ECD: variants seen among roughly 807,000 people sequenced by gnomAD.
ECD encodes the protein ecdysoneless cell cycle regulator, also known as protein ecdysoneless homolog.
ECD carries 59 observed loss-of-function variants against 77.2 expected under a neutral mutation model. The ratio of observed to expected loss-of-function variants is 0.76; its 90% confidence interval spans 0.62 to 0.95. The LOEUF (loss-of-function observed/expected upper bound fraction) is 0.95. Ranked by LOEUF, ECD falls within the 40% of genes least tolerant of loss-of-function variation. The pLI is 0.00. For synonymous variants in ECD, 233 were observed against 267.4 expected (o/e 0.87, Z 1.26); for missense variants, 704 against 763.4 (o/e 0.92, Z 0.92).
chr10:73,139,848 T>G (rs1589679985), intron 9 of ECD, 111 bp from the exon 10 acceptor site: 2 of 576,266 alleles, frequency 3.5e-6, no homozygotes, highest in East Asian at 4.2e-5. Context: ...ATTTGGGGAG[T>G]GTTTTTTTTT....
chr10:73,164,366 T>A (rs1256140751), intron 1 of ECD, among the ~76,000 whole-genome samples: 2 of 151,208 alleles, frequency 1.3e-5, no homozygotes, highest in East Asian at 1.9e-4. Flanking sequence ...AAAAAATAAA[T>A]AAAAATAAAA....
At chr10:73,134,843 G>A (rs1331985364) in intron 13 of ECD, 30 bp from the exon 14 acceptor site, 1 of 1,578,654 alleles carries the variant, frequency 6.3e-7, no homozygotes, top group Non-Finnish European at 8.7e-7. Flanking sequence ...GAAAATTATG[G>A]GCTAATGTAT....
In ECD at chr10:73,156,322, T is replaced by G; in HGVS notation, c.543A>C (p.Ile181=). 4 of 1,612,210 alleles carry G rather than the reference T, an allele frequency of 2.5e-6. No individual in the cohort carries two copies. In the South Asian group the frequency reaches 4.4e-5, roughly 18 times the overall value. ...LNIITAHSEK[I]LASESIRAAV... ...CAGCTCGTATAGATTCTGAAGCAAG[T>G]ATTTTTTCTGAATGTGCTGTGATTA... Residue 181 remains isoleucine (I), a synonymous_variant, in exon 5 of 14, where the codon ATA becomes ATC. Transcript: ENST00000372979.
At chr10:73,167,507 T>C (rs1018845436) in intron 1 of ECD, among the ~76,000 whole-genome samples, 4 of 152,168 alleles carry the variant, frequency 2.6e-5, no homozygotes, top group Non-Finnish European at 5.9e-5. Flanking sequence ...CCTAACTCCA[T>C]GATTCCAATC....
intron 1 of ECD, among the ~76,000 whole-genome samples, chr10:73,165,682 T>C (rs1344311793): frequency 1.3e-5 from 2 of 152,048 alleles, no homozygotes; most frequent in Non-Finnish European, 2.9e-5. Context: ...ACATGAGATA[T>C]TTTGATACAG....
chr10:73,147,298 A>G (rs879490188), intron 8 of ECD, among the ~76,000 whole-genome samples: 16 of 152,222 alleles, frequency 1.1e-4, no homozygotes, highest in South Asian at 4.1e-4. Flanking sequence ...CTGTAATCCC[A>G]GCACTTTGGG....
chr10:73,140,774 ACAT>A (rs1321271597), intron 9 of ECD, among the ~76,000 whole-genome samples: 9 of 151,958 alleles, frequency 5.9e-5, no homozygotes, highest in African/African-American at 2.2e-4. Context: ...GCTCCATGGA[ACAT>A]CATTATGAAG....
intron 1 of ECD, among the ~76,000 whole-genome samples, chr10:73,164,243 T>C (rs983480036): frequency 5.3e-5 from 8 of 151,372 alleles, no homozygotes; most frequent in African/African-American, 1.9e-4. Context: ...TCCTAGCTAC[T>C]TGGGAGGCTA....
rs1372276211 is a variant in ECD, at chr10:73,134,818, T to C, written c.1705-5A>G. On this transcript the variant is annotated splice_polypyrimidine_tract_variant and splice_region_variant and intron_variant, in intron 13 of 13. Coordinates refer to ENST00000372979, the MANE Select transcript of ECD (RefSeq NM_007265.3). ...GGTAGTCTGGGATACAGGTTCCTTA[T>C]TCATAGAGGGAAAAGAAAATTATGG... 6.2e-7 allele frequency: 1 copy of C among 1,612,246 alleles called. No individual in the cohort carries two copies. The highest frequency in any genetic ancestry group is 1.3e-5 in the African/African-American group (1 of 74,862).
chr10:73,156,318 C>T lies in ECD; in HGVS notation c.547G>A (p.Ala183Thr). Reference protein sequence around the residue: ...IITAHSEKILASESIRAAVNR... With the variant: ...IITAHSEKILTSESIRAAVNR... ...ACAGCAGCTCGTATAGATTCTGAAG[C>T]AAGTATTTTTTCTGAATGTGCTGTG... The change falls in exon 5 of 14, where the codon GCT becomes ACT. Residue 183 changes from alanine to threonine, a missense_variant. Physicochemically the swap from Ala to Thr is moderately conservative, Grantham distance 58 (BLOSUM62 0). Coordinates refer to ENST00000372979, the MANE Select transcript of ECD (RefSeq NM_007265.3). 6 of 1,611,378 alleles carry T rather than the reference C, an allele frequency of 3.7e-6. No homozygotes were observed. Among genetic ancestry groups the T allele is most frequent in the Non-Finnish European group, 5.1e-6 (6 of 1,179,252 alleles).
chr10:73,153,822 G>C (rs1843255124), intron 6 of ECD, among the ~76,000 whole-genome samples: 1 of 151,640 alleles, frequency 6.6e-6, no homozygotes, highest in Non-Finnish European at 1.5e-5. Flanking sequence ...TGGGGAGGCA[G>C]GTCTCTTGAA....
rs1223313242 is a variant in ECD at position 73,146,973 on chromosome 10, C to G, written c.1042-612G>C. 3.3e-5 allele frequency among the ~76,000 whole-genome samples: 5 copies of G among 152,108 alleles called. No homozygotes were observed. The South Asian group carries it at 1.0e-3, about 32-fold the overall frequency. On this transcript the variant is annotated intron_variant, in intron 8 of 13. Transcript: ENST00000372979. ...AATATACTAGCTGGGCACTGTGGCT[C>G]ATGCCTATAATCTCAGTACTTTGGG...
chr10:73,152,659 C>A (rs1843229447), intron 6 of ECD, among the ~76,000 whole-genome samples: 1 of 152,032 alleles, frequency 6.6e-6, no homozygotes, highest in African/African-American at 2.4e-5. Flanking sequence ...TGCCTGTAAT[C>A]CCAACACTTT....
chr10:73,145,994 G>T (rs902974864), intron 9 of ECD, among the ~76,000 whole-genome samples: 7 of 151,676 alleles, frequency 4.6e-5, no homozygotes, highest in South Asian at 2.1e-4. Flanking sequence ...TAATGCCATG[G>T]AAAATGTGAT....
intron 13 of ECD, among the ~76,000 whole-genome samples, chr10:73,136,069 C>T (rs929993635): frequency 2.0e-5 from 3 of 152,162 alleles, no homozygotes; most frequent in Non-Finnish European, 4.4e-5. Flanking sequence ...GATACATTCA[C>T]AGTGGACAGC....
intron 12 of ECD, 91 bp downstream of exon 12, chr10:73,137,912 G>T: frequency 1.1e-6 from 1 of 897,554 alleles, no homozygotes; most frequent in Non-Finnish European, 1.6e-6. Flanking sequence ...CAAACATTTT[G>T]GCTTCTGAGA....
intron 9 of ECD, among the ~76,000 whole-genome samples, chr10:73,142,504 C>T (rs898914636): frequency 6.6e-6 from 1 of 151,646 alleles, no homozygotes; most frequent in Non-Finnish European, 1.5e-5. Context: ...TATGATGGCA[C>T]GCGCCTGTAG....
intron 11 of ECD, among the ~76,000 whole-genome samples, 154 bp downstream of exon 11, chr10:73,139,155 A>G (rs1042425413): frequency 1.3e-5 from 2 of 152,022 alleles, no homozygotes; most frequent in Non-Finnish European, 2.9e-5. Context: ...CTGACTTCAA[A>G]TAAGTAAGTT....
chr10:73,139,847 G>T (rs1200568392), intron 9 of ECD, 110 bp from the exon 10 acceptor site: 187 of 500,386 alleles, frequency 3.7e-4, no homozygotes, highest in East Asian at 1.4e-3. Context: ...AATTTGGGGA[G>T]TGTTTTTTTT....
Sources: gnomAD v4.1 joint callset for allele counts (sites outside exome capture counted in the v4.1 genomes callset) on GRCh38, gnomAD v4.1.1 for gene constraint, MANE v1.5 for transcripts, NCBI Gene and HGNC (gene_info 2026-07-23, HGNC 2026-07-21) for gene names.